DYRK4: variants seen among roughly 807,000 people sequenced by gnomAD.
DYRK4 encodes dual specificity tyrosine-phosphorylation-regulated kinase 4.
DYRK4 carries 64 observed loss-of-function variants against 68.3 expected under a neutral mutation model. That is an observed-to-expected ratio of 0.94 (90% CI 0.77 to 1.15). The LOEUF is 1.15. Among genes scored for constraint, DYRK4 ranks in the 50% most tolerant of loss-of-function variants. The pLI, the probability that DYRK4 is intolerant of heterozygous loss-of-function variation, is 0.00. For missense variants in DYRK4, 740 were observed against 764.7 expected, an observed-to-expected ratio of 0.97 and a Z score of 0.38; for synonymous variants, 274 against 289.9, an observed-to-expected ratio of 0.95 and a Z score of 0.56.
At chr12:4,578,364 C>G (rs1944809584) in intron 2 of DYRK4, among the ~76,000 whole-genome samples, 1 of 152,046 alleles carries the variant, frequency 6.6e-6, no homozygotes, top group Admixed American at 6.6e-5. Flanking sequence ...CATTCATACT[C>G]CCTCTGGCTA....
rs555138538 is a variant in DYRK4 at position 4,576,613 on chromosome 12, C to T, written c.132+8565C>T. The stretch of plus-strand genomic sequence containing the variant: ...TACACTGTCTTCCAAACAAGCTGTA[C>T]CATTCTGCCTTCCCACCAACAATGA... On this transcript the variant is annotated intron_variant, in intron 2 of 14. Coordinates refer to ENST00000543431, the MANE Select transcript of DYRK4 (RefSeq NM_001394779.1). Among the ~76,000 whole-genome samples, 159 of 152,320 alleles carry T rather than the reference C, an allele frequency of 1.0e-3. 1 individual carries two copies. Among genetic ancestry groups the T allele is most frequent in the South Asian group, 2.7e-3 (13 of 4,828 alleles).
intron 5 of DYRK4, among the ~76,000 whole-genome samples, chr12:4,592,294 G>T (rs1944965327): frequency 6.6e-6 from 1 of 152,132 alleles, no homozygotes. Context: ...CAGAAGTCTT[G>T]TTCCCTATAA....
chr12:4,589,589 C>A (rs1944931438), intron 3 of DYRK4, among the ~76,000 whole-genome samples: 2 of 152,232 alleles, frequency 1.3e-5, no homozygotes, highest in Admixed American at 6.5e-5. Flanking sequence ...ATTTCTCTTT[C>A]TGTGCCTGGC....
chr12:4,573,007 A>G (rs1169907218), intron 2 of DYRK4: 2 of 286,992 alleles, frequency 7.0e-6, no homozygotes, highest in African/African-American at 2.3e-5. Flanking sequence ...GTGTTGGGCA[A>G]AGGAATGGAA....
intron 2 of DYRK4, among the ~76,000 whole-genome samples, chr12:4,574,117 C>G (rs1448067436): frequency 6.6e-6 from 1 of 151,014 alleles, no homozygotes; most frequent in Non-Finnish European, 1.5e-5. Context: ...CCCAGCTGCT[C>G]GGGAGGCTGA....
At chr12:4,590,636 A>G (rs1174669209) in intron 4 of DYRK4, 196 bp downstream of exon 4, 1 of 1,217,576 alleles carries the variant, frequency 8.2e-7, no homozygotes, top group Non-Finnish European at 1.1e-6. Context: ...TAGCTACAAA[A>G]TGGGCCCTCT....
At chr12:4,599,259 A>C (rs1945052785) in intron 9 of DYRK4, 93 bp downstream of exon 9, 5 of 957,626 alleles carry the variant, frequency 5.2e-6, no homozygotes, top group African/African-American at 1.8e-5. Context: ...CAATCAAATA[A>C]TTGCCTTTGA....
intron 2 of DYRK4, among the ~76,000 whole-genome samples, chr12:4,569,688 T>C (rs1944711860): frequency 6.6e-6 from 1 of 151,926 alleles, no homozygotes; most frequent in Admixed American, 6.6e-5. Context: ...CTCAAACTCC[T>C]GGGCTCCAGC....
At chr12:4,597,269 T>G in intron 8 of DYRK4, 2 of 529,878 alleles carry the variant, frequency 3.8e-6, no homozygotes, top group Non-Finnish European at 4.8e-6. Flanking sequence ...TGATTATTTT[T>G]CTCTCTGGGA....
chr12:4,589,728 G>A (rs942540756), intron 3 of DYRK4, among the ~76,000 whole-genome samples: 4 of 152,080 alleles, frequency 2.6e-5, no homozygotes, highest in African/African-American at 9.7e-5. Context: ...TCATTCATCT[G>A]TTGATGGACA....
chr12:4,589,811 G>A (rs951466195), intron 3 of DYRK4, among the ~76,000 whole-genome samples: 1 of 152,170 alleles, frequency 6.6e-6, no homozygotes, highest in Admixed American at 6.5e-5. Flanking sequence ...AGTGCAGGAG[G>A]CAGGGATCCA....
chr12:4,574,026 C>T (rs1944758598), intron 2 of DYRK4, among the ~76,000 whole-genome samples: 1 of 151,956 alleles, frequency 6.6e-6, no homozygotes, highest in South Asian at 2.1e-4. Context: ...GAGATGGAGA[C>T]CATCCTGGCT....
chr12:4,576,308 G>C lies in DYRK4; in HGVS notation c.132+8260G>C, dbSNP rs183825583. 3.3e-5 allele frequency among the ~76,000 whole-genome samples: 5 copies of C among 152,238 alleles called. No homozygotes were observed. The East Asian group carries it at 9.6e-4, about 29-fold the overall frequency. On this transcript the variant is annotated intron_variant, in intron 2 of 14. Coordinates refer to ENST00000543431, the MANE Select transcript of DYRK4 (RefSeq NM_001394779.1). ...CTTCTCAGATGGCTTTTTTCATTTA[G>C]CAGTAATGTCCTCCATGTCTTTTCA...
chr12:4,599,826 A>C, intron 10 of DYRK4, 38 bp downstream of exon 10: 2 of 1,576,090 alleles, frequency 1.3e-6, no homozygotes, highest in Non-Finnish European at 1.7e-6. Context: ...GAGTTTTCCT[A>C]TTGCAATTTC....
chr12:4,590,949 C>T (rs1173995021), intron 4 of DYRK4: 5 of 602,240 alleles, frequency 8.3e-6, no homozygotes, highest in African/African-American at 1.8e-5. Flanking sequence ...CGGTAAGGTA[C>T]AGGGGTCTCC....
chr12:4,590,271 C>T, intron 3 of DYRK4, 59 bp from the exon 4 acceptor site: 1 of 1,489,306 alleles, frequency 6.7e-7, no homozygotes, highest in Non-Finnish European at 8.9e-7. Flanking sequence ...AAGAAATGAC[C>T]CCTGGAGACG....
intron 4 of DYRK4, 111 bp downstream of exon 4, chr12:4,590,551 A>C: frequency 6.8e-7 from 1 of 1,468,646 alleles, no homozygotes; most frequent in Non-Finnish European, 8.9e-7. Flanking sequence ...TAGCTGCTGA[A>C]GAGGTGGGTT....
At chr12:4,573,608 G>T (rs920705346) in intron 2 of DYRK4, among the ~76,000 whole-genome samples, 1 of 152,036 alleles carries the variant, frequency 6.6e-6, no homozygotes, top group Non-Finnish European at 1.5e-5. Flanking sequence ...GGAGATATTC[G>T]GAATGCAATC....
At position 4,612,577 on chromosome 12, in the gene DYRK4, G is replaced by T; in HGVS notation, c.1525G>T (p.Ala509Ser). 1 of 1,614,226 alleles carries T rather than the reference G, an allele frequency of 6.2e-7. No homozygotes were observed. Among genetic ancestry groups the T allele is most frequent in the Non-Finnish European group, 8.5e-7 (1 of 1,180,038 alleles). The change falls in exon 14 of 15, where the codon GCC (alanine) becomes TCC (serine). Residue 509 changes from alanine to serine, a missense_variant. Ala to Ser is a moderately conservative substitution (Grantham distance 99). This residue lies in a region of DYRK4 where 614 missense variants were observed against 603.7 expected (regional missense o/e 1.02). Transcript: ENST00000543431. ...TTCTCTTCGCATGACCCCGGACCAG[G>T]CCCTCAAGCATGCTTGGATTCATCA... ...EPSLRMTPDQALKHAWIHQSR... is the reference protein window; with the variant it reads ...EPSLRMTPDQSLKHAWIHQSR...
Sources: gnomAD v4.1 joint callset for allele counts (sites outside exome capture counted in the v4.1 genomes callset) on GRCh38, gnomAD v4.1.1 for gene constraint, gnomAD v4.1.1 regional missense constraint, MANE v1.5 for transcripts, NCBI Gene and HGNC (gene_info 2026-07-23, HGNC 2026-07-21) for gene names.